UBTD2: variants seen among roughly 807,000 people sequenced by gnomAD.
UBTD2 encodes the protein ubiquitin domain-containing protein 2.
In UBTD2, 9 loss-of-function variants were observed where a neutral mutation model predicts 19.8. The ratio of observed to expected loss-of-function variants is 0.46; its 90% CI spans 0.27 to 0.79. UBTD2 has a LOEUF of 0.79. Among genes scored for constraint, UBTD2 ranks in the 30% least tolerant of loss-of-function variants. UBTD2 has a pLI of 0.14. For synonymous variants in UBTD2, 98 were observed against 103.9 expected (o/e 0.94, Z 0.35); for missense variants, 250 against 300.4 (o/e 0.83, Z 1.24).
chr5:172,232,137 G>C (rs1424181375), intron 2 of UBTD2, among the ~76,000 whole-genome samples: 2 of 152,156 alleles, frequency 1.3e-5, no homozygotes, highest in African/African-American at 4.8e-5. Context: ...GCTGGGCCTG[G>C]TGGCACATGC....
At chr5:172,284,036 T>C (rs1487330018), upstream of UBTD2, 1 of 147,722 alleles carries the variant, frequency 6.8e-6, no homozygotes, top group Non-Finnish European at 1.5e-5. Context: ...GCGCCTCGCG[T>C]CCGCCAGGAC....
intron 1 of UBTD2, chr5:172,254,922 T>C: frequency 2.0e-6 from 1 of 498,324 alleles, no homozygotes; most frequent in South Asian, 2.0e-5. Context: ...TTCCTCCTCC[T>C]CCTCCTCAAG....
At chr5:172,217,735 C>T (rs766504635) in intron 2 of UBTD2, among the ~76,000 whole-genome samples, 2 of 152,008 alleles carry the variant, frequency 1.3e-5, no homozygotes, top group Non-Finnish European at 2.9e-5. Flanking sequence ...GCAAATGATC[C>T]GCCTACCTCG....
In UBTD2 at chr5:172,211,929, A is replaced by T. The variant is rs1341768070; in HGVS notation, c.606T>A (p.Thr202=). 6.2e-7 allele frequency: 1 copy of T among 1,614,170 alleles called. No homozygotes were observed. The highest frequency in any genetic ancestry group is 2.2e-5 in the East Asian group (1 of 44,892). Residue 202 remains threonine (T), a synonymous_variant, in exon 3 of 3, where the codon ACT becomes ACA. Transcript: ENST00000393792. The part of the protein sequence containing the change: ...QRWFFSGRPL[T]DKMKFEELKI... Reference sequence around the variant, plus strand: ...TCAGCTCTTCGAACTTCATTTTGTCAGTGAGAGGTCTGCCAGAAAAAAACC... The same window carrying T: ...TCAGCTCTTCGAACTTCATTTTGTCTGTGAGAGGTCTGCCAGAAAAAAACC...
At chr5:172,252,930 A>G (rs560999720) in intron 1 of UBTD2, among the ~76,000 whole-genome samples, 4 of 152,238 alleles carry the variant, frequency 2.6e-5, no homozygotes, top group Non-Finnish European at 5.9e-5. Context: ...GTTATAAAGA[A>G]AAAGATATTT....
Position 172,283,318 on chromosome 5 carries a change from G to C in UBTD2, c.70+278C>G, listed in dbSNP as rs1561871194. ...TGGAGAGGGAGTGAGGTGGCCAGAAGGGCAGCTTCGGGTCCGACTTCCCCG... is the reference window on the plus strand; with the variant it reads ...TGGAGAGGGAGTGAGGTGGCCAGAACGGCAGCTTCGGGTCCGACTTCCCCG... On this transcript the variant is annotated intron_variant, in intron 1 of 2. Transcript: ENST00000393792. The surrounding 1 kb of genome is among the most constrained non-coding windows in gnomAD (Gnocchi z 4.3). Among the ~76,000 whole-genome samples, 1 of 152,132 alleles carries C rather than the reference G, an allele frequency of 6.6e-6. No homozygotes were observed. Among genetic ancestry groups the C allele is most frequent in the Non-Finnish European group, 1.5e-5 (1 of 68,010 alleles).
intron 1 of UBTD2, among the ~76,000 whole-genome samples, chr5:172,241,375 C>T (rs192944740): frequency 4.1e-5 from 6 of 148,014 alleles, no homozygotes; most frequent in Admixed American, 2.0e-4. Flanking sequence ...TGCCATTGCA[C>T]TCCAGCTTGG....
intron 2 of UBTD2, among the ~76,000 whole-genome samples, chr5:172,232,818 A>G (rs1771930045): frequency 6.6e-6 from 1 of 151,962 alleles, no homozygotes; most frequent in South Asian, 2.1e-4. Context: ...TGGGAGGTCG[A>G]GGCTGCAATG....
chr5:172,269,051 T>G (rs1172935451), intron 1 of UBTD2, among the ~76,000 whole-genome samples: 1 of 151,646 alleles, frequency 6.6e-6, no homozygotes. Flanking sequence ...AACAGTTAAG[T>G]GCAAAAAAAA....
Position 172,283,498 on chromosome 5 carries a change from G to T in UBTD2, c.70+98C>A. ...GACGTGGAAGAGGGGATGACAAAGG[G>T]GCGCGGGGGCCCGGCGCGGCCCGCG... On this transcript the variant is annotated intron_variant, in intron 1 of 2. Coordinates refer to ENST00000393792, the MANE Select transcript of UBTD2 (RefSeq NM_152277.3). This position sits in a 1 kb window ranked among gnomAD's most constrained non-coding sequence, Gnocchi z 4.3. 1 of 969,618 alleles carries T rather than the reference G, an allele frequency of 1.0e-6. No individual in the cohort carries two copies. The highest frequency in any genetic ancestry group is 3.5e-5 in the East Asian group (1 of 28,754). 60.1% of individuals were successfully genotyped at this position (969,618 alleles called of 1,614,324 possible).
chr5:172,233,869 T>G (rs967759854), intron 2 of UBTD2, among the ~76,000 whole-genome samples: 3 of 152,130 alleles, frequency 2.0e-5, no homozygotes, highest in Middle Eastern at 3.4e-3. Context: ...CGGAAACTTT[T>G]TAGATGATCA....
intron 1 of UBTD2, among the ~76,000 whole-genome samples, chr5:172,234,925 T>A (rs140143375): frequency 2.8e-5 from 4 of 142,298 alleles, no homozygotes; most frequent in South Asian, 2.3e-4. Flanking sequence ...AAAACAAAAC[T>A]AAAGAACCCC....
intron 1 of UBTD2, among the ~76,000 whole-genome samples, chr5:172,259,183 C>T (rs1755218513): frequency 6.6e-6 from 1 of 151,994 alleles, no homozygotes; most frequent in African/African-American, 2.4e-5. Flanking sequence ...CGTTATGTTA[C>T]CCAGGCTGGA....
At chr5:172,246,169 G>A (rs1189457159) in intron 1 of UBTD2, among the ~76,000 whole-genome samples, 1 of 152,038 alleles carries the variant, frequency 6.6e-6, no homozygotes, top group African/African-American at 2.4e-5. Context: ...ACAAATGAAC[G>A]TTTTTAGCAG....
intron 1 of UBTD2, among the ~76,000 whole-genome samples, chr5:172,278,124 AAC>A (rs1194097712): frequency 6.6e-6 from 1 of 152,212 alleles, no homozygotes; most frequent in Non-Finnish European, 1.5e-5. Context: ...CAAAAAGGTA[AAC>A]ACAGAATTAC....
At chr5:172,244,939 G>C (rs1482624153) in intron 1 of UBTD2, among the ~76,000 whole-genome samples, 1 of 152,052 alleles carries the variant, frequency 6.6e-6, no homozygotes, top group African/African-American at 2.4e-5. Flanking sequence ...TGTTGGCCAG[G>C]CTGGTCTATG....
intron 2 of UBTD2, among the ~76,000 whole-genome samples, chr5:172,218,775 C>CAA (rs1196929218): frequency 5.9e-5 from 3 of 50,444 alleles, no homozygotes; most frequent in Admixed American, 2.3e-4. Flanking sequence ...ACCCTGTCAC[C>CAA]AAAAAAAAAA....
At chr5:172,233,042 G>A (rs908406406) in intron 2 of UBTD2, among the ~76,000 whole-genome samples, 1 of 152,174 alleles carries the variant, frequency 6.6e-6, no homozygotes, top group Non-Finnish European at 1.5e-5. Context: ...TTGAACCTAG[G>A]AGGCGGAGGT....
intron 2 of UBTD2, among the ~76,000 whole-genome samples, chr5:172,228,835 G>T (rs1237025659): frequency 6.6e-6 from 1 of 151,952 alleles, no homozygotes; most frequent in African/African-American, 2.4e-5. Context: ...CACATAACAT[G>T]CTCTTTATAC....
Sources: gnomAD v4.1 joint callset for allele counts (sites outside exome capture counted in the v4.1 genomes callset) on GRCh38, gnomAD v4.1.1 for gene constraint, Gnocchi (gnomAD v3.1) non-coding constraint, MANE v1.5 for transcripts, NCBI Gene and HGNC (gene_info 2026-07-23, HGNC 2026-07-21) for gene names.